The following FBXW11 variants were observed in gnomAD, a reference collection of about 807,000 sequenced individuals.
FBXW11 encodes F-box and WD repeat domain containing 11.
A neutral mutation model predicts 77.6 loss-of-function variants in FBXW11; 19 were observed. The ratio of observed to expected loss-of-function variants is 0.24; its 90% CI spans 0.17 to 0.36. The LOEUF is 0.36. Ranked by LOEUF, FBXW11 falls within the 10% of genes least tolerant of loss-of-function variation. FBXW11 has a pLI of 1.00. For missense variants in FBXW11, 334 were observed against 704.2 expected (o/e 0.47, Z 5.95); for synonymous variants, 235 against 249.4 (o/e 0.94, Z 0.54).
intron 1 of FBXW11, among the ~76,000 whole-genome samples, chr5:171,960,330 G>A (rs1225149976): frequency 6.6e-6 from 1 of 152,160 alleles, no homozygotes; most frequent in Non-Finnish European, 1.5e-5. Context: ...AGCCAAGATC[G>A]CAGCACTATA....
chr5:171,912,049 G>A (rs1398789636), intron 3 of FBXW11, among the ~76,000 whole-genome samples: 2 of 152,208 alleles, frequency 1.3e-5, no homozygotes, highest in Non-Finnish European at 2.9e-5. Context: ...TATCTCAGGA[G>A]TCTTACATGG....
intron 4 of FBXW11, 66 bp from the exon 5 acceptor site, chr5:171,900,166 TTAAAGA>T: frequency 3.6e-6 from 5 of 1,371,298 alleles, no homozygotes; most frequent in Non-Finnish European, 4.0e-6. Context: ...CATCATTTCC[TTAAAGA>T]TAAGAGGAAT....
intron 2 of FBXW11, among the ~76,000 whole-genome samples, chr5:171,956,178 T>G (rs1261983349): frequency 6.6e-6 from 1 of 152,186 alleles, no homozygotes; most frequent in African/African-American, 2.4e-5. Context: ...AATACACCTA[T>G]TATAATACAC....
intron 2 of FBXW11, among the ~76,000 whole-genome samples, chr5:171,941,207 A>G (rs1762737160): frequency 6.6e-6 from 1 of 152,214 alleles, no homozygotes; most frequent in Admixed American, 6.5e-5. Flanking sequence ...AGAGAAATCA[A>G]TATTATGTAC....
At chr5:171,935,416 G>GA (rs1032863787) in intron 2 of FBXW11, among the ~76,000 whole-genome samples, 42 of 148,162 alleles carry the variant, frequency 2.8e-4, no homozygotes, top group South Asian at 6.4e-4. Flanking sequence ...TATTTAAAAA[G>GA]AAAAAAAAAC....
At chr5:171,882,427 G>C (rs1360515730) in intron 7 of FBXW11, among the ~76,000 whole-genome samples, 1 of 151,966 alleles carries the variant, frequency 6.6e-6, no homozygotes, top group Admixed American at 6.6e-5. Flanking sequence ...TCAGCCTCTT[G>C]AGTAGCTGGG....
In FBXW11 at chr5:171,957,645, C is replaced by T. The variant is rs1284430470; in HGVS notation, c.99G>A (p.Met33Ile). 1 of 1,614,210 alleles carries T rather than the reference C, an allele frequency of 6.2e-7. No homozygotes were observed. The highest frequency in any genetic ancestry group is 1.3e-5 in the African/African-American group (1 of 75,064). Reference protein sequence around the residue: ...WLGCANLVESMCALSCLQSMP... With the variant: ...WLGCANLVESICALSCLQSMP... ...TGCTCTGCAGGCAACTCAGTGCGCA[C>T]ATGCTCTCTACCAGGTTGGCGCAGC... Residue 33 changes from methionine to isoleucine, a missense_variant, in exon 2 of 14, where the codon ATG becomes ATA. Transcript: ENST00000517395.
intron 1 of FBXW11, among the ~76,000 whole-genome samples, chr5:171,975,598 C>A (rs916890667): frequency 3.9e-5 from 6 of 152,204 alleles, no homozygotes; most frequent in Admixed American, 3.3e-4. Flanking sequence ...TTGCTATCTA[C>A]GTGACCTTGG....
chr5:171,867,278 G>A (rs1181181213), intron 13 of FBXW11, among the ~76,000 whole-genome samples: 2 of 152,188 alleles, frequency 1.3e-5, no homozygotes, highest in Non-Finnish European at 2.9e-5. Context: ...TGCCACTGAA[G>A]CACAAAAACA....
At chr5:171,941,571 T>A (rs1028814601) in intron 2 of FBXW11, among the ~76,000 whole-genome samples, 2 of 151,502 alleles carry the variant, frequency 1.3e-5, no homozygotes, top group African/African-American at 4.9e-5. Context: ...ATTATGACTA[T>A]GTAGAACATC....
intron 6 of FBXW11, among the ~76,000 whole-genome samples, chr5:171,897,662 T>C (rs557938426): frequency 3.3e-5 from 5 of 152,328 alleles, no homozygotes; most frequent in Admixed American, 2.0e-4. Flanking sequence ...TGTTTGTTCA[T>C]AATTAACTTT....
chr5:171,909,242 G>A (rs1347616120), intron 4 of FBXW11, among the ~76,000 whole-genome samples: 1 of 152,164 alleles, frequency 6.6e-6, no homozygotes. Flanking sequence ...GAGCCCAGGA[G>A]CTCAAGGCCA....
At chr5:171,864,559 CA>C (rs1757267485) in intron 13 of FBXW11, among the ~76,000 whole-genome samples, 2 of 152,226 alleles carry the variant, frequency 1.3e-5, no homozygotes, top group South Asian at 4.1e-4. Flanking sequence ...CGAGAGCCCT[CA>C]TCGATCACAA....
In FBXW11 at chr5:171,872,863, T is replaced by C; in HGVS notation, c.1340+9A>G. The stretch of plus-strand genomic sequence containing the variant: ...AGCCTGCTCTGTCAGCACACCAACT[T>C]CTACCCACCTAATGGTATTATCTGA... On this transcript the variant is annotated intron_variant, in intron 10 of 13. Coordinates refer to ENST00000517395, the MANE Select transcript of FBXW11 (RefSeq NM_001378974.1). 6.2e-7 allele frequency: 1 copy of C among 1,606,610 alleles called. No homozygotes were observed. The highest frequency in any genetic ancestry group is 8.5e-7 in the Non-Finnish European group (1 of 1,173,548).
At chr5:171,896,380 A>C (rs768676123) in intron 6 of FBXW11, among the ~76,000 whole-genome samples, 1 of 152,198 alleles carries the variant, frequency 6.6e-6, no homozygotes, top group Non-Finnish European at 1.5e-5. Context: ...ATCTTTCTGC[A>C]ATGTGCTTAA....
chr5:171,981,482 TGG>T (rs112721330), intron 1 of FBXW11, among the ~76,000 whole-genome samples: 50 of 152,162 alleles, frequency 3.3e-4, no homozygotes, highest in African/African-American at 1.0e-3. Context: ...GCACCTTAAG[TGG>T]GGGCAGTCTT....
intron 2 of FBXW11, among the ~76,000 whole-genome samples, chr5:171,928,863 A>G (rs1254658411): frequency 6.6e-6 from 1 of 152,168 alleles, no homozygotes; most frequent in African/African-American, 2.4e-5. Flanking sequence ...ACTTGAGGTC[A>G]GGAGTTCAAG....
At chr5:171,914,639 TG>T (rs954493366) in intron 2 of FBXW11, among the ~76,000 whole-genome samples, 1 of 152,162 alleles carries the variant, frequency 6.6e-6, no homozygotes, top group African/African-American at 2.4e-5. Context: ...TTACAAAGGT[TG>T]GGTGTGCTTA....
At chr5:171,916,109 G>T (rs987999714) in intron 2 of FBXW11, among the ~76,000 whole-genome samples, 1 of 151,396 alleles carries the variant, frequency 6.6e-6, no homozygotes, top group Admixed American at 6.6e-5. Context: ...GGGAGGTGGG[G>T]GGATAGCATT....
Sources: allele counts gnomAD v4.1 joint callset (sites outside exome capture counted in the v4.1 genomes callset), GRCh38; gene constraint gnomAD v4.1.1; transcripts MANE v1.5; gene names NCBI Gene and HGNC (gene_info 2026-07-23, HGNC 2026-07-21).